Variants in ASTN2 observed in about 807,000 individuals in gnomAD.
ASTN2 encodes astrotactin-2.
ASTN2 carries 54 observed loss-of-function variants against 139.8 expected under a neutral mutation model. That is an observed-to-expected ratio of 0.39 (90% CI 0.31 to 0.48). ASTN2 has a LOEUF of 0.48. Among genes scored for constraint, ASTN2 ranks in the 20% least tolerant of loss-of-function variants. ASTN2 has a pLI of 0.95. For missense variants in ASTN2, 1,565 were observed against 1,725.1 expected, an observed-to-expected ratio of 0.91 and a Z score of 1.64; for synonymous variants, 756 against 719.5, an observed-to-expected ratio of 1.05 and a Z score of -0.81.
At chr9:116,922,272 T>C (rs979529576) in intron 10 of ASTN2, among the ~76,000 whole-genome samples, 6 of 152,248 alleles carry the variant, frequency 3.9e-5, no homozygotes, top group African/African-American at 1.4e-4. Flanking sequence ...TAAACATGTG[T>C]ACCCATAACA....
At chr9:116,886,678 GTTGTT>G (rs1833605793) in intron 10 of ASTN2, among the ~76,000 whole-genome samples, 1 of 151,408 alleles carries the variant, frequency 6.6e-6, no homozygotes, top group African/African-American at 2.4e-5. Context: ...GCTTTTTGTT[GTTGTT>G]TTGTTTTGTT....
At chr9:117,368,901 C>G (rs1156418897) in intron 1 of ASTN2, among the ~76,000 whole-genome samples, 3 of 152,142 alleles carry the variant, frequency 2.0e-5, no homozygotes, top group African/African-American at 7.2e-5. Context: ...CGCCCTGAAC[C>G]TTGATTGCAG....
intron 19 of ASTN2, among the ~76,000 whole-genome samples, chr9:116,526,721 C>A (rs1391019933): frequency 6.6e-6 from 1 of 151,804 alleles, no homozygotes; most frequent in Non-Finnish European, 1.5e-5. Context: ...TTTGATTCAT[C>A]ATGATTTTTA....
At chr9:116,654,444 T>C (rs977342013) in intron 16 of ASTN2, among the ~76,000 whole-genome samples, 2 of 152,188 alleles carry the variant, frequency 1.3e-5, no homozygotes, top group Admixed American at 1.3e-4. Flanking sequence ...GGAAGTATGA[T>C]GGATTAAGTA....
chr9:116,477,737 C>A (rs1849029253), intron 20 of ASTN2, among the ~76,000 whole-genome samples: 1 of 150,716 alleles, frequency 6.6e-6, no homozygotes, highest in South Asian at 2.1e-4. Flanking sequence ...AAGACAGAGA[C>A]AGGCCAGGCA....
At chr9:117,330,194 C>A (rs1828656711) in intron 1 of ASTN2, among the ~76,000 whole-genome samples, 1 of 152,174 alleles carries the variant, frequency 6.6e-6, no homozygotes. Context: ...TCCCATTATA[C>A]CCTCCCACCA....
rs1554774170 is a variant in ASTN2, at chr9:117,060,585, C to CAGGAAGGA, written c.1277-20628_1277-20621dup. Among the ~76,000 whole-genome samples the CAGGAAGGA allele has an allele frequency of 7.1e-3, 935 of 132,396 alleles. 21 individuals carry two copies. Among genetic ancestry groups the CAGGAAGGA allele is most frequent in the African/African-American group, 0.026 (882 of 34,560 alleles). The allele number at this position is 132,396 out of a possible 152,430, so 86.9% of individuals were successfully genotyped here. ...GAAAGAGGGAGGGAGGGAAAGAAGGCAGGAAGGAAGGAAGGAAGGAAGGGC... is the reference window on the plus strand; with the variant it reads ...GAAAGAGGGAGGGAGGGAAAGAAGGCAGGAAGGAAGGAAGGAAGGAAGGAAGGAAGGGC... On this transcript the variant is annotated intron_variant, in intron 5 of 22. Transcript: ENST00000313400.
chr9:117,149,924 A>G (rs1830289499), intron 3 of ASTN2, among the ~76,000 whole-genome samples: 1 of 152,184 alleles, frequency 6.6e-6, no homozygotes, highest in Non-Finnish European at 1.5e-5. Context: ...GGCATAGCTT[A>G]TCTTCAAGCA....
chr9:116,804,050 C>G (rs1336554574), intron 13 of ASTN2, among the ~76,000 whole-genome samples: 1 of 151,954 alleles, frequency 6.6e-6, no homozygotes, highest in Admixed American at 6.6e-5. Context: ...CCTAAAGTGT[C>G]AGAGGGGCCA....
intron 7 of ASTN2, among the ~76,000 whole-genome samples, chr9:116,978,501 A>G (rs1257122037): frequency 5.0e-5 from 7 of 139,194 alleles, no homozygotes; most frequent in Non-Finnish European, 1.6e-5. Flanking sequence ...TCACGCACAC[A>G]CACACACACA....
chr9:117,190,654 A>G (rs1831320957), intron 3 of ASTN2, among the ~76,000 whole-genome samples: 1 of 152,162 alleles, frequency 6.6e-6, no homozygotes, highest in Non-Finnish European at 1.5e-5. Flanking sequence ...CACTGGTGCC[A>G]GGGACCTTTA....
In ASTN2 at chr9:117,291,315, C is replaced by A. The variant is rs934696736; in HGVS notation, c.630+11G>T. The A allele has an allele frequency of 6.2e-7, 1 of 1,613,832 alleles. No homozygotes were observed. The highest frequency in any genetic ancestry group is 1.7e-5 in the Admixed American group (1 of 60,020). On this transcript the variant is annotated intron_variant, in intron 2 of 22. Transcript: ENST00000313400. ...AATCCCCGACCCCGGTCACATCCCC[C>A]CATCACTCACCATCACAGAAATGTG...
chr9:117,330,456 G>C (rs1828667511), intron 1 of ASTN2, among the ~76,000 whole-genome samples: 1 of 152,200 alleles, frequency 6.6e-6, no homozygotes, highest in African/African-American at 2.4e-5. Context: ...TCCATGCAAA[G>C]AGCAGAAGAG....
intron 1 of ASTN2, among the ~76,000 whole-genome samples, chr9:117,315,226 T>C (rs567785007): frequency 6.6e-6 from 1 of 152,304 alleles, no homozygotes; most frequent in South Asian, 2.1e-4. Context: ...GGTATTTTTC[T>C]CCTCTTTTCT....
At chr9:116,982,544 T>C (rs1484614519) in intron 7 of ASTN2, among the ~76,000 whole-genome samples, 1 of 114,506 alleles carries the variant, frequency 8.7e-6, no homozygotes, top group Non-Finnish European at 2.1e-5. Context: ...TTATCTGTAA[T>C]TTGGGATTTT....
At chr9:117,258,079 G>A (rs2133103318) in intron 2 of ASTN2, among the ~76,000 whole-genome samples, 1 of 152,308 alleles carries the variant, frequency 6.6e-6, no homozygotes, top group South Asian at 2.1e-4. Flanking sequence ...TCCATTGGAA[G>A]GAAGAAGGAA....
chr9:116,744,307 G>A (rs556301841), intron 13 of ASTN2, among the ~76,000 whole-genome samples: 2 of 152,306 alleles, frequency 1.3e-5, no homozygotes, highest in Middle Eastern at 6.8e-3. Context: ...AGGCCACATA[G>A]GGATCAGATC....
rs1236869850 is a variant in ASTN2 at position 116,975,066 on chromosome 9, T to C, written c.1889+142A>G. ...GTGATGGAGGTCACATCTAAGAGTT[T>C]AGGAGCATGGCATATTTGACAGTGT... On this transcript the variant is annotated intron_variant, in intron 10 of 22. Transcript: ENST00000313400. 4 of 809,362 alleles carry C rather than the reference T, an allele frequency of 4.9e-6. No homozygotes were observed. In the East Asian group the frequency reaches 1.2e-4, roughly 24 times the overall value. The allele number at this position is 809,362 out of a possible 1,614,324, so 50.1% of individuals were successfully genotyped here.
intron 5 of ASTN2, among the ~76,000 whole-genome samples, chr9:117,084,498 C>T (rs76693991): frequency 0.019 from 2,834 of 152,288 alleles, 43 homozygotes; most frequent in Middle Eastern, 0.034. Flanking sequence ...GCCACAGCTA[C>T]GCAACTTATT....
Sources: gnomAD v4.1 joint callset for allele counts (sites outside exome capture counted in the v4.1 genomes callset) on GRCh38, gnomAD v4.1.1 for gene constraint, MANE v1.5 for transcripts, NCBI Gene and HGNC (gene_info 2026-07-23, HGNC 2026-07-21) for gene names.